SAMD5: variants seen among roughly 807,000 people sequenced by gnomAD.
SAMD5 encodes sterile alpha motif domain containing 5.
Under a neutral mutation model 11.3 loss-of-function variants are expected in SAMD5, and 13 were observed. The ratio of observed to expected loss-of-function variants is 1.15; its 90% CI spans 0.75 to 1.83. The LOEUF (loss-of-function observed/expected upper bound fraction) is 1.83, where lower values mean the gene tolerates loss of function less well. Among genes scored for constraint, SAMD5 ranks in the 40% most tolerant of loss-of-function variants. SAMD5 has a pLI of 0.00. For missense variants in SAMD5, 255 were observed against 239.1 expected (o/e 1.07, Z -0.44); for synonymous variants, 129 against 111.3 (o/e 1.16, Z -1.00).
intron 1 of SAMD5, among the ~76,000 whole-genome samples, chr6:147,559,690 C>G (rs58463547): frequency 0.067 from 10,218 of 151,966 alleles, 531 homozygotes; most frequent in African/African-American, 0.14. Context: ...GTAGTTGCCT[C>G]TAAAGTAAAA....
At chr6:147,555,180 A>C (rs1788835844) in intron 1 of SAMD5, among the ~76,000 whole-genome samples, 1 of 152,246 alleles carries the variant, frequency 6.6e-6, no homozygotes, top group African/African-American at 2.4e-5. Flanking sequence ...CTGTGTAACA[A>C]AATGAGAACT....
the SAMD5 span, among the ~76,000 whole-genome samples, chr6:147,875,943 A>G: frequency 6.6e-6 from 1 of 152,166 alleles, no homozygotes; most frequent in African/African-American, 2.4e-5. Context: ...AGTGCACAAT[A>G]AATGTAAGGC....
chr6:147,754,476 G>A, the SAMD5 span, among the ~76,000 whole-genome samples: 12 of 151,300 alleles, frequency 7.9e-5, no homozygotes, highest in African/African-American at 2.7e-4. Context: ...TTGTCAGATG[G>A]GTAGTTTGAA....
At chr6:147,743,481 C>A in the SAMD5 span, among the ~76,000 whole-genome samples, 2 of 149,294 alleles carry the variant, frequency 1.3e-5, no homozygotes, top group African/African-American at 5.0e-5. Flanking sequence ...CCAGCCTGGG[C>A]AACAGAGCGA....
At chr6:147,559,761 CT>C (rs1476390781) in intron 1 of SAMD5, among the ~76,000 whole-genome samples, 3 of 152,158 alleles carry the variant, frequency 2.0e-5, no homozygotes, top group African/African-American at 7.2e-5. Context: ...ACATTTTTCT[CT>C]TCTATAGAAT....
the SAMD5 span, among the ~76,000 whole-genome samples, chr6:147,787,655 A>G: frequency 6.6e-6 from 1 of 152,186 alleles, no homozygotes; most frequent in African/African-American, 2.4e-5. Context: ...ACTGTTGTGG[A>G]CAATTTGTAT....
chr6:147,740,811 C>T (rs567520161), downstream of SAMD5, among the ~76,000 whole-genome samples: 5 of 152,288 alleles, frequency 3.3e-5, no homozygotes, highest in South Asian at 1.0e-3. Flanking sequence ...ATGTGACCCT[C>T]CCTGTCTATA....
At chr6:147,687,573 A>G (rs1791036548) in intron 1 of SAMD5, among the ~76,000 whole-genome samples, 2 of 152,052 alleles carry the variant, frequency 1.3e-5, no homozygotes, top group Non-Finnish European at 2.9e-5. Flanking sequence ...ATCTGGAATC[A>G]TTTACCCCTG....
intron 1 of SAMD5, among the ~76,000 whole-genome samples, chr6:147,563,369 TGGA>T (rs1213461812): frequency 6.6e-6 from 1 of 152,166 alleles, no homozygotes; most frequent in Non-Finnish European, 1.5e-5. Flanking sequence ...TTACAAGGCT[TGGA>T]GAGGTTGCAG....
chr6:147,894,126 ATTTT>A, the SAMD5 span, among the ~76,000 whole-genome samples: 3 of 124,174 alleles, frequency 2.4e-5, no homozygotes, highest in African/African-American at 3.0e-5. Context: ...TTTGTTTTGT[ATTTT>A]TTTTTTTTTT....
the SAMD5 span, among the ~76,000 whole-genome samples, chr6:147,886,017 A>G: frequency 6.6e-6 from 1 of 152,216 alleles, no homozygotes; most frequent in Admixed American, 6.5e-5. Flanking sequence ...AAGTACCATA[A>G]AATAGAAAGA....
At chr6:147,621,188 G>A (rs980064972) in intron 1 of SAMD5, among the ~76,000 whole-genome samples, 1 of 152,140 alleles carries the variant, frequency 6.6e-6, no homozygotes, top group Non-Finnish European at 1.5e-5. Context: ...TACTTCTCAA[G>A]TTAAAGGGGG....
intron 1 of SAMD5, among the ~76,000 whole-genome samples, chr6:147,704,296 G>A (rs578067308): frequency 6.6e-5 from 10 of 151,554 alleles, no homozygotes; most frequent in Non-Finnish European, 1.0e-4. Context: ...GCATACAGGC[G>A]CCCTCAACAT....
At chr6:147,816,948 A>G in the SAMD5 span, among the ~76,000 whole-genome samples, 2 of 152,308 alleles carry the variant, frequency 1.3e-5, no homozygotes, top group East Asian at 3.9e-4. Context: ...CATGTAGAAA[A>G]AAAAAACAGG....
the SAMD5 span, among the ~76,000 whole-genome samples, chr6:147,893,278 T>C: frequency 6.6e-6 from 1 of 152,108 alleles, no homozygotes; most frequent in East Asian, 1.9e-4. Flanking sequence ...TCTTGGTTAT[T>C]ATTATCCCCA....
chr6:147,738,381 T>C (rs555223256), downstream of SAMD5, among the ~76,000 whole-genome samples: 3 of 152,280 alleles, frequency 2.0e-5, no homozygotes, highest in Admixed American at 2.0e-4. Context: ...TCAAAATTGG[T>C]CTCTGGAATT....
intron 1 of SAMD5, among the ~76,000 whole-genome samples, chr6:147,556,241 T>C (rs1485967658): frequency 6.6e-6 from 1 of 151,748 alleles, no homozygotes; most frequent in Non-Finnish European, 1.5e-5. Context: ...TACAGGCGCC[T>C]GCCACCACGC....
rs535240719 is a variant in SAMD5, at chr6:147,706,655, G to A, written c.163-30662G>A. On this transcript the variant is annotated intron_variant, in intron 1 of 1. Transcript: ENST00000566741. ...AATACAGAATTCTTGGGGATGTGAA[G>A]CCTGACTTTTCTGGTACTTGGCTCT... Among the ~76,000 whole-genome samples, 9 of 152,350 alleles carry A rather than the reference G, an allele frequency of 5.9e-5. No homozygotes were observed. The South Asian group carries it at 1.9e-3, about 32-fold the overall frequency.
intron 1 of SAMD5, among the ~76,000 whole-genome samples, chr6:147,596,822 G>A (rs1377892418): frequency 6.6e-6 from 1 of 152,168 alleles, no homozygotes; most frequent in Non-Finnish European, 1.5e-5. Flanking sequence ...AAGGGTCTAT[G>A]TCTGGTTTGA....
Sources: gnomAD v4.1 joint callset for allele counts (sites outside exome capture counted in the v4.1 genomes callset) on GRCh38, gnomAD v4.1.1 for gene constraint, MANE v1.5 for transcripts, NCBI Gene and HGNC (gene_info 2026-07-23, HGNC 2026-07-21) for gene names.